The following ADAMTSL1 variants were observed in gnomAD, a reference collection of about 807,000 sequenced individuals.
ADAMTSL1 encodes the protein ADAMTS-like protein 1.
Under a neutral mutation model 201.8 loss-of-function variants are expected in ADAMTSL1, and 126 were observed. The ratio of observed to expected loss-of-function variants is 0.62; its 90% CI spans 0.54 to 0.72. ADAMTSL1 has a LOEUF of 0.72. Ranked by LOEUF, ADAMTSL1 falls within the 30% of genes least tolerant of loss-of-function variation. The pLI, the probability that ADAMTSL1 is intolerant of heterozygous loss-of-function variation, is 0.00. For missense variants in ADAMTSL1, 2,679 were observed against 2,277.8 expected, an observed-to-expected ratio of 1.18 and a Z score of -3.59; for synonymous variants, 1,121 against 903.4, an observed-to-expected ratio of 1.24 and a Z score of -4.32.
intron 1 of ADAMTSL1, among the ~76,000 whole-genome samples, chr9:17,964,026 T>A (rs1175573269): frequency 6.6e-6 from 1 of 152,106 alleles, no homozygotes; most frequent in Non-Finnish European, 1.5e-5. Context: ...TTAGACAAAG[T>A]TTTACAAGGC....
chr9:18,646,815 A>G (rs1158778685), intron 7 of ADAMTSL1, among the ~76,000 whole-genome samples: 1 of 152,058 alleles, frequency 6.6e-6, no homozygotes, highest in Non-Finnish European at 1.5e-5. Context: ...GGATTTTTGC[A>G]TCAATGTTCA....
At chr9:18,839,038 T>TTTA (rs1176355948) in intron 23 of ADAMTSL1, among the ~76,000 whole-genome samples, 1 of 151,418 alleles carries the variant, frequency 6.6e-6, no homozygotes, top group Non-Finnish European at 1.5e-5. Context: ...TTTTTTTAAT[T>TTTA]TTATTATTAT....
intron 20 of ADAMTSL1, among the ~76,000 whole-genome samples, chr9:18,802,809 C>T (rs4977260): frequency 0.48 from 73,557 of 152,102 alleles, 17,918 homozygotes; most frequent in African/African-American, 0.53. Context: ...GACTGCACCA[C>T]TTTACATTTC....
intron 10 of ADAMTSL1, among the ~76,000 whole-genome samples, chr9:18,678,461 A>C (rs1018071399): frequency 3.9e-5 from 6 of 152,172 alleles, no homozygotes; most frequent in African/African-American, 1.4e-4. Flanking sequence ...ATAGAACTGT[A>C]GTTGTATGCT....
At position 18,384,636 on chromosome 9, in the gene ADAMTSL1, T is replaced by G. The variant is rs148515926; in HGVS notation, c.208-120193T>G. Among the ~76,000 whole-genome samples the G allele has an allele frequency of 1.2e-3, 181 of 152,328 alleles. 1 individual carries two copies. The highest frequency in any genetic ancestry group is 4.2e-3 in the African/African-American group (173 of 41,574). On this transcript the variant is annotated intron_variant, in intron 2 of 29. Transcript: ENST00000680146. Reference sequence around the variant, plus strand: ...GTATGTCTCATTCCTTTGCCTCCTGTAACTTCATAGGCAATCTTGCCATCT... The same window carrying G: ...GTATGTCTCATTCCTTTGCCTCCTGGAACTTCATAGGCAATCTTGCCATCT...
intron 23 of ADAMTSL1, among the ~76,000 whole-genome samples, chr9:18,878,919 G>C (rs1828347118): frequency 6.6e-6 from 1 of 152,166 alleles, no homozygotes; most frequent in Non-Finnish European, 1.5e-5. Flanking sequence ...TTGCTGCTAG[G>C]ATCTCTGAGA....
chr9:18,453,551 A>G (rs1312172349), intron 2 of ADAMTSL1, among the ~76,000 whole-genome samples: 3 of 151,944 alleles, frequency 2.0e-5, no homozygotes, highest in African/African-American at 7.3e-5. Context: ...TTCTCTTTTA[A>G]TTCTAAATTA....
At chr9:18,076,536 G>A (rs1180057495) in intron 1 of ADAMTSL1, among the ~76,000 whole-genome samples, 1 of 152,204 alleles carries the variant, frequency 6.6e-6, no homozygotes, top group African/African-American at 2.4e-5. Context: ...CTTCTCTAAG[G>A]AGCTGGACAT....
intron 1 of ADAMTSL1, among the ~76,000 whole-genome samples, chr9:18,094,139 A>G (rs374653744): frequency 7.2e-5 from 11 of 152,180 alleles, no homozygotes; most frequent in African/African-American, 2.4e-4. Flanking sequence ...GATAGCTACC[A>G]TTATTGGTTG....
chr9:18,503,588 TAAGAAAACTA>T (rs545957429), intron 1 of ADAMTSL1, among the ~76,000 whole-genome samples: 2 of 152,136 alleles, frequency 1.3e-5, no homozygotes, highest in South Asian at 4.2e-4. Flanking sequence ...CATCTTATGA[TAAGAAAACTA>T]AAGCATATGA....
intron 14 of ADAMTSL1, among the ~76,000 whole-genome samples, chr9:18,714,387 G>C (rs190539250): frequency 0.24 from 35,545 of 149,334 alleles, 2,993 homozygotes; most frequent in Non-Finnish European, 0.29. Flanking sequence ...GAATCAAATA[G>C]ATGCAATAAA....
intron 2 of ADAMTSL1, among the ~76,000 whole-genome samples, chr9:18,354,741 G>T (rs1204641437): frequency 1.3e-5 from 2 of 152,204 alleles, no homozygotes; most frequent in Non-Finnish European, 2.9e-5. Context: ...GCTGAAGTTG[G>T]TGGATCAACT....
chr9:18,857,658 A>G (rs933814749), intron 23 of ADAMTSL1, among the ~76,000 whole-genome samples: 3 of 152,210 alleles, frequency 2.0e-5, no homozygotes, highest in African/African-American at 7.2e-5. Flanking sequence ...GCAGAAGTTA[A>G]GTTCCAAAGT....
At chr9:18,522,878 G>C (rs113616807) in intron 2 of ADAMTSL1, among the ~76,000 whole-genome samples, 1,797 of 152,138 alleles carry the variant, frequency 0.012, 43 homozygotes, top group African/African-American at 0.041. Flanking sequence ...CTTTGCTATT[G>C]TGAATAGTGC....
chr9:18,288,928 G>T (rs1378538145), intron 2 of ADAMTSL1, among the ~76,000 whole-genome samples: 2 of 152,226 alleles, frequency 1.3e-5, no homozygotes, highest in Admixed American at 6.5e-5. Flanking sequence ...TTGTGAAACT[G>T]TAGGTGAGTT....
At chr9:18,592,051 C>T (rs933017675) in intron 4 of ADAMTSL1, among the ~76,000 whole-genome samples, 13 of 152,198 alleles carry the variant, frequency 8.5e-5, no homozygotes, top group Non-Finnish European at 1.9e-4. Context: ...ATGCCGGCTG[C>T]AGGTGTTGCA....
intron 2 of ADAMTSL1, among the ~76,000 whole-genome samples, chr9:18,410,527 C>T (rs1818393139): frequency 6.6e-6 from 1 of 152,208 alleles, no homozygotes; most frequent in African/African-American, 2.4e-5. Flanking sequence ...CTTCCAATGA[C>T]ATCCATGTCC....
At chr9:18,157,412 C>T (rs1033791030) in intron 1 of ADAMTSL1, among the ~76,000 whole-genome samples, 1 of 151,826 alleles carries the variant, frequency 6.6e-6, no homozygotes. Flanking sequence ...TAAGTTTGTT[C>T]CCCCCATAAA....
intron 1 of ADAMTSL1, among the ~76,000 whole-genome samples, chr9:18,044,510 C>T (rs888481560): frequency 2.6e-5 from 4 of 152,080 alleles, no homozygotes; most frequent in South Asian, 2.1e-4. Flanking sequence ...GACTTGTAGG[C>T]GGAGGGAAAT....
Sources: allele counts gnomAD v4.1 joint callset (sites outside exome capture counted in the v4.1 genomes callset), GRCh38; gene constraint gnomAD v4.1.1; transcripts MANE v1.5; gene names NCBI Gene and HGNC (gene_info 2026-07-23, HGNC 2026-07-21).